MS4A4E: variants seen among roughly 807,000 people sequenced by gnomAD.
The protein encoded by MS4A4E is putative membrane-spanning 4-domains subfamily A member 4E.
Under a neutral mutation model 13.3 loss-of-function variants are expected in MS4A4E, and 23 were observed. The ratio of observed to expected loss-of-function variants is 1.73; its 90% CI spans 1.25 to 2.45. MS4A4E has a LOEUF of 2.45. Among genes scored for constraint, MS4A4E ranks in the 30% most tolerant of loss-of-function variants. The pLI is 0.00. For missense variants in MS4A4E, 144 were observed against 131.2 expected (o/e 1.10, Z -0.48); for synonymous variants, 36 against 45.6 (o/e 0.79, Z 0.85).
In MS4A4E at chr11:60,201,559, C is replaced by T. The variant is rs780865295; in HGVS notation, c.980G>A (p.Arg327Gln). 16 of 308,496 alleles carry T rather than the reference C, an allele frequency of 5.2e-5. No homozygotes were observed. The highest frequency in any genetic ancestry group is 1.4e-4 in the South Asian group (6 of 42,674). 19.1% of individuals were successfully genotyped at this position (308,496 alleles called of 1,614,324 possible). Residue 327 changes from arginine (R) to glutamine (Q), a missense_variant, in exon 9 of 9, where the codon CGG becomes CAG. By Grantham distance (43) the Arg-to-Gln change is conservative (BLOSUM62 1). Around this residue, in one of 3 missense-constraint regions of MS4A4E, gnomAD observed 21 missense variants for 25.1 expected, o/e 0.84. Coordinates refer to ENST00000651255, the MANE Select transcript of MS4A4E (RefSeq NM_001393391.1). ...PIWEVRSVSA[R>Q]PPIF ...CCCCACATCTCAGAAGATGGGCGGC[C>T]GGGCGGAGACACTCCTCACCTCCCA...
chr11:60,234,589 G>C (rs1396055341), intron 1 of MS4A4E, among the ~76,000 whole-genome samples: 2 of 146,822 alleles, frequency 1.4e-5, no homozygotes, highest in Non-Finnish European at 2.9e-5. Flanking sequence ...TTTTTCCATG[G>C]GATCACCCTC....
intron 8 of MS4A4E, among the ~76,000 whole-genome samples, chr11:60,202,624 C>T (rs1162815337): frequency 6.6e-6 from 1 of 152,342 alleles, no homozygotes; most frequent in Non-Finnish European, 1.5e-5. Context: ...AAGTGACCCA[C>T]ACTGAGTTTT....
chr11:60,215,166 A>G (rs866592886), intron 3 of MS4A4E, among the ~76,000 whole-genome samples: 23 of 151,936 alleles, frequency 1.5e-4, no homozygotes, highest in Admixed American at 3.9e-4. Flanking sequence ...AGAGTTTTTT[A>G]TTTCCTTTAC....
intron 6 of MS4A4E, chr11:60,206,597 G>C (rs1421715314): frequency 1.2e-5 from 2 of 163,938 alleles, no homozygotes; most frequent in Non-Finnish European, 2.8e-5. Context: ...TTGGATTCTG[G>C]TACTTTCTCA....
chr11:60,213,990 C>T (rs542970459), intron 4 of MS4A4E, among the ~76,000 whole-genome samples: 60 of 152,048 alleles, frequency 3.9e-4, no homozygotes, highest in African/African-American at 1.1e-3. Flanking sequence ...CTGCAACCTC[C>T]GCCTCCAGGG....
intron 1 of MS4A4E, among the ~76,000 whole-genome samples, chr11:60,234,958 G>A (rs532615439): frequency 6.6e-6 from 1 of 151,974 alleles, no homozygotes; most frequent in African/African-American, 2.4e-5. Flanking sequence ...AAAGTGAAGG[G>A]ATGAAATACT....
intron 3 of MS4A4E, among the ~76,000 whole-genome samples, chr11:60,226,867 TTGTC>T (rs150272897): frequency 0.013 from 2,054 of 152,290 alleles, 49 homozygotes; most frequent in African/African-American, 0.046. Flanking sequence ...GATGACGTGA[TTGTC>T]TGTGTAGAAT....
intron 1 of MS4A4E, among the ~76,000 whole-genome samples, chr11:60,238,595 T>C (rs764629362): frequency 2.6e-5 from 4 of 152,212 alleles, no homozygotes; most frequent in Non-Finnish European, 5.9e-5. Context: ...TCAAATTTGT[T>C]GATCGTTGCA....
chr11:60,218,980 T>A (rs988017741), intron 3 of MS4A4E, among the ~76,000 whole-genome samples: 3 of 152,162 alleles, frequency 2.0e-5, no homozygotes, highest in African/African-American at 7.2e-5. Flanking sequence ...TTTATTTGCT[T>A]GGTTAGCTGA....
chr11:60,228,126 T>C, intron 3 of MS4A4E, among the ~76,000 whole-genome samples: 1 of 152,172 alleles, frequency 6.6e-6, no homozygotes, highest in South Asian at 2.1e-4. Flanking sequence ...AAAATTCTGC[T>C]CTGCAGAAGA....
chr11:60,215,091 T>A (rs2134933403), intron 3 of MS4A4E, among the ~76,000 whole-genome samples: 1 of 152,228 alleles, frequency 6.6e-6, no homozygotes, highest in South Asian at 2.1e-4. Context: ...GGGCAATTAT[T>A]TTTCATTTAG....
intron 1 of MS4A4E, among the ~76,000 whole-genome samples, chr11:60,241,883 C>T (rs1421747848): frequency 2.6e-5 from 4 of 152,308 alleles, no homozygotes; most frequent in Admixed American, 6.5e-5. Flanking sequence ...CTCCCCACCC[C>T]GGATAAAGAG....
intron 3 of MS4A4E, among the ~76,000 whole-genome samples, chr11:60,222,370 A>G (rs190364072): frequency 6.6e-6 from 1 of 152,290 alleles, no homozygotes; most frequent in East Asian, 1.9e-4. Context: ...ATTCTCATGG[A>G]ATTCACTGGT....
chr11:60,203,176 A>G (rs1303982158), intron 8 of MS4A4E, among the ~76,000 whole-genome samples: 2 of 152,148 alleles, frequency 1.3e-5, no homozygotes, highest in Non-Finnish European at 2.9e-5. Flanking sequence ...GTTAATCTTT[A>G]GCTTATTTTA....
At position 60,200,746 on chromosome 11, in the gene MS4A4E, C is replaced by G. The variant is rs1018787194; in HGVS notation, c.*797G>C. On this transcript the variant is annotated 3_prime_UTR_variant, in exon 9 of 9. Coordinates refer to ENST00000651255, the MANE Select transcript of MS4A4E (RefSeq NM_001393391.1). ...TCTCAATCTTTTCCCCACCTTTCCC[C>G]CCTTTCTATTCCACAAAACCGCCAT... 6.6e-6 allele frequency among the ~76,000 whole-genome samples: 1 copy of G among 152,266 alleles called. No homozygotes were observed. Among genetic ancestry groups the G allele is most frequent in the Non-Finnish European group, 1.5e-5 (1 of 68,044 alleles).
intron 8 of MS4A4E, among the ~76,000 whole-genome samples, chr11:60,202,459 A>G (rs902002183): frequency 6.6e-6 from 1 of 152,212 alleles, no homozygotes; most frequent in African/African-American, 2.4e-5. Context: ...ATCTGAATGC[A>G]TGCACCTGTG....
chr11:60,236,559 G>A (rs553272559), intron 1 of MS4A4E, among the ~76,000 whole-genome samples: 3 of 151,992 alleles, frequency 2.0e-5, no homozygotes, highest in African/African-American at 7.2e-5. Flanking sequence ...AAAGGAGATT[G>A]TTGTCTTAAT....
intron 6 of MS4A4E, among the ~76,000 whole-genome samples, chr11:60,207,580 G>A (rs2084064293): frequency 6.6e-6 from 1 of 152,172 alleles, no homozygotes; most frequent in Non-Finnish European, 1.5e-5. Context: ...CAAAATGATG[G>A]AGAAGGGCAC....
chr11:60,239,440 G>T (rs1038373455), intron 1 of MS4A4E, among the ~76,000 whole-genome samples: 1 of 152,118 alleles, frequency 6.6e-6, no homozygotes, highest in Non-Finnish European at 1.5e-5. Context: ...CTAAAGAGGG[G>T]CTTTATTCCT....
Sources: allele counts gnomAD v4.1 joint callset (sites outside exome capture counted in the v4.1 genomes callset), GRCh38; gene constraint gnomAD v4.1.1; regional missense constraint gnomAD v4.1.1; transcripts MANE v1.5; gene names NCBI Gene and HGNC (gene_info 2026-07-23, HGNC 2026-07-21).